RDH13: variants seen among roughly 807,000 people sequenced by gnomAD.
The protein encoded by RDH13 is retinol dehydrogenase 13.
RDH13 carries 35 observed loss-of-function variants against 28.3 expected under a neutral mutation model. The observed-to-expected ratio is 1.24, with a 90% CI of 0.95 to 1.64. RDH13 has a LOEUF of 1.64. Among genes scored for constraint, RDH13 ranks in the 40% most tolerant of loss-of-function variants. The pLI, the probability that RDH13 is intolerant of heterozygous loss-of-function variation, is 0.00. For synonymous variants in RDH13, 229 were observed against 198.5 expected (o/e 1.15, Z -1.29); for missense variants, 514 against 446.3 (o/e 1.15, Z -1.37).
chr19:55,055,986 C>T (rs1044249175), intron 3 of RDH13, among the ~76,000 whole-genome samples: 2 of 151,958 alleles, frequency 1.3e-5, no homozygotes, highest in Admixed American at 6.6e-5. Flanking sequence ...AACCCTGTCT[C>T]TACCTAAAAC....
chr19:55,053,959 TCTCA>T (rs1385886569), intron 3 of RDH13: 1 of 152,064 alleles, frequency 6.6e-6, no homozygotes, highest in Non-Finnish European at 1.5e-5. Flanking sequence ...GGCATTGCCC[TCTCA>T]CTGTTCTTTG....
At chr19:55,047,600 C>A in intron 5 of RDH13, 112 bp from the exon 6 acceptor site, 1 of 1,454,870 alleles carries the variant, frequency 6.9e-7, no homozygotes. Flanking sequence ...TTCCTGCACT[C>A]AAACCCCATC....
chr19:55,062,888 G>T, intron 1 of RDH13, 80 bp downstream of exon 1: 1 of 1,231,294 alleles, frequency 8.1e-7, no homozygotes, highest in Non-Finnish European at 1.1e-6. Flanking sequence ...GGGTGCGAGG[G>T]GCGGGGGTCT....
chr19:55,063,046 C>CAGGCGT lies in RDH13; in HGVS notation c.-20_-15dup. On this transcript the variant is annotated 5_prime_UTR_variant, in exon 1 of 7. Transcript: ENST00000415061. ...GTAGCGGCTCATGCCGGGCCGGGGA[C>CAGGCGT]AGGCGTCAGGCGTCAGGGGTCGGCG... The CAGGCGT allele has an allele frequency of 7.8e-7, 1 of 1,276,800 alleles. No homozygotes were observed. The highest frequency in any genetic ancestry group is 9.8e-7 in the Non-Finnish European group (1 of 1,020,330). 79.1% of individuals were successfully genotyped at this position (1,276,800 alleles called of 1,614,324 possible).
intron 1 of RDH13, among the ~76,000 whole-genome samples, 189 bp from the exon 2 acceptor site, chr19:55,059,464 G>C (rs2075743362): frequency 6.6e-6 from 1 of 152,308 alleles, no homozygotes; most frequent in South Asian, 2.1e-4. Context: ...TGTCTGGCGT[G>C]TGGAACGCCT....
upstream of RDH13, among the ~76,000 whole-genome samples, chr19:55,065,480 CCTGT>C (rs1428359707): frequency 6.6e-6 from 1 of 151,358 alleles, no homozygotes; most frequent in Non-Finnish European, 1.5e-5. Flanking sequence ...ACTGTTTTTC[CCTGT>C]CTTTTTCTCC....
chr19:55,045,326 G>A lies in RDH13; in HGVS notation c.761-17C>T, dbSNP rs1252705138. The A allele has an allele frequency of 1.3e-6, 2 of 1,595,482 alleles. No homozygotes were observed. Among genetic ancestry groups the A allele is most frequent in the African/African-American group, 1.3e-5 (1 of 74,566 alleles). On this transcript the variant is annotated splice_polypyrimidine_tract_variant and intron_variant, in intron 6 of 6. Transcript: ENST00000415061. ...AGATGGGCCCTGCAATCAGCCCACA[G>A]GGCATTTAGTCCACACTCGCTCAGA...
intron 6 of RDH13, chr19:55,046,502 A>G (rs56143752): frequency 0.073 from 11,007 of 151,816 alleles, 510 homozygotes; most frequent in Non-Finnish European, 0.1. Context: ...ACCTGAGGTA[A>G]TCCGCCCACC....
downstream of RDH13, among the ~76,000 whole-genome samples, chr19:55,043,434 A>G (rs1173451043): frequency 6.6e-6 from 1 of 152,038 alleles, no homozygotes; most frequent in Non-Finnish European, 1.5e-5. Flanking sequence ...CTATAATCCC[A>G]GCACTTTGGG....
In RDH13 at chr19:55,048,455, C is replaced by A; in HGVS notation, c.532G>T (p.Val178Phe). The A allele has an allele frequency of 6.2e-7, 1 of 1,614,208 alleles. No individual in the cohort carries two copies. Among genetic ancestry groups the A allele is most frequent in the East Asian group, 2.2e-5 (1 of 44,888 alleles). The change falls in exon 5 of 7, where the codon GTT (valine) becomes TTT (phenylalanine). Residue 178 changes from valine (V) to phenylalanine (F), a missense_variant. Val to Phe is a conservative substitution (Grantham distance 50). Transcript: ENST00000415061. ...TCGTCAAAGTCTATGTGCCCAGCAA[C>A]ATGGGCCAGGGACGAGAGGTTGATG... ...RIINLSSLAH[V>F]AGHIDFDDLN...
chr19:55,063,601 C>T (rs1453380513), upstream of RDH13: 1 of 153,232 alleles, frequency 6.5e-6, no homozygotes. Context: ...GGCCTGGACT[C>T]CTGGGTCTGA....
chr19:55,052,028 G>A (rs2075457005), intron 3 of RDH13, among the ~76,000 whole-genome samples: 1 of 150,966 alleles, frequency 6.6e-6, no homozygotes, highest in African/African-American at 2.4e-5. Flanking sequence ...CACAGTGCCT[G>A]GCCTGTTGTT....
chr19:55,048,132 C>T (rs2075298322), intron 5 of RDH13, 197 bp downstream of exon 5: 7 of 1,531,956 alleles, frequency 4.6e-6, no homozygotes, highest in Non-Finnish European at 6.1e-6. Flanking sequence ...CTGGGATGAA[C>T]AGACAATCCT....
chr19:55,052,944 G>A (rs374077561), intron 3 of RDH13, among the ~76,000 whole-genome samples: 12 of 93,670 alleles, frequency 1.3e-4, no homozygotes, highest in South Asian at 1.3e-3. Context: ...TTACAGGCGT[G>A]AGCCTGCACG....
Position 55,044,675 on chromosome 19 carries a change from G to A in RDH13, c.*399C>T. On this transcript the variant is annotated 3_prime_UTR_variant, in exon 7 of 7. Transcript: ENST00000415061. ...CCATGCATGCACAAGGTCCCACAGG[G>A]ACCCAAGAATCCACCAAGTGTCAGA... 1 of 215,996 alleles carries A rather than the reference G, an allele frequency of 4.6e-6. No individual in the cohort carries two copies. Among genetic ancestry groups the A allele is most frequent in the East Asian group, 9.7e-5 (1 of 10,260 alleles). The allele number at this position is 215,996 out of a possible 1,614,324, so 13.4% of individuals were successfully genotyped here.
intron 3 of RDH13, 71 bp from the exon 4 acceptor site, chr19:55,048,834 A>G (rs111555140): frequency 0.014 from 17,958 of 1,298,734 alleles, 169 homozygotes; most frequent in Non-Finnish European, 0.017. Flanking sequence ...CAGCAGAAAC[A>G]CTCCTGTGCT....
At chr19:55,061,477 C>T (rs2075804602) in intron 1 of RDH13, among the ~76,000 whole-genome samples, 1 of 151,982 alleles carries the variant, frequency 6.6e-6, no homozygotes, top group Non-Finnish European at 1.5e-5. Flanking sequence ...CTCCTGCTCC[C>T]TCTTATAAGG....
exon 3 of RDH13, chr19:55,039,144 C>T (rs1252793325): frequency 6.6e-6 from 1 of 152,138 alleles, no homozygotes; most frequent in East Asian, 1.9e-4. Flanking sequence ...TCACAATAGC[C>T]AAAAGGTGAA....
chr19:55,057,104 A>G (rs1042297088), intron 2 of RDH13, among the ~76,000 whole-genome samples: 3 of 152,202 alleles, frequency 2.0e-5, no homozygotes, highest in Non-Finnish European at 4.4e-5. Flanking sequence ...AAGAAACCAG[A>G]CACGAAAGAC....
Sources: allele counts gnomAD v4.1 joint callset (sites outside exome capture counted in the v4.1 genomes callset), GRCh38; gene constraint gnomAD v4.1.1; transcripts MANE v1.5; gene names NCBI Gene and HGNC (gene_info 2026-07-23, HGNC 2026-07-21).